ZNF608: variants seen among roughly 807,000 people sequenced by gnomAD.
ZNF608 encodes renal carcinoma antigen NY-REN-36.
In ZNF608, 12 loss-of-function variants were observed where a neutral mutation model predicts 109.0. That is an observed-to-expected ratio of 0.11 (90% confidence interval 0.07 to 0.18). The LOEUF (loss-of-function observed/expected upper bound fraction) is 0.18, where lower values mean the gene tolerates loss of function less well. ZNF608 is among the 10% of genes least tolerant of loss of function. The pLI, the probability that ZNF608 is intolerant of heterozygous loss-of-function variation, is 1.00. For missense variants in ZNF608, 1,707 were observed against 1,879.3 expected (o/e 0.91, Z 1.70); for synonymous variants, 732 against 717.4 (o/e 1.02, Z -0.33).
intron 2 of ZNF608, among the ~76,000 whole-genome samples, chr5:124,741,222 A>G (rs1420405192): frequency 6.6e-6 from 1 of 152,138 alleles, no homozygotes; most frequent in Non-Finnish European, 1.5e-5. Flanking sequence ...AAAGGAGTAG[A>G]ACACTCATTG....
intron 3 of ZNF608, 97 bp downstream of exon 3, chr5:124,700,917 C>T (rs1484902095): frequency 5.3e-6 from 8 of 1,510,090 alleles, no homozygotes; most frequent in Admixed American, 1.9e-5. Context: ...TTCCATTCCT[C>T]TCTGAATACC....
chr5:124,674,744 T>A (rs1751866462), intron 3 of ZNF608, among the ~76,000 whole-genome samples: 1 of 152,108 alleles, frequency 6.6e-6, no homozygotes, highest in African/African-American at 2.4e-5. Context: ...CTGAGTAGCT[T>A]GGACTACATA....
intron 2 of ZNF608, among the ~76,000 whole-genome samples, chr5:124,726,596 TC>T (rs1234126625): frequency 2.0e-5 from 3 of 151,684 alleles, no homozygotes; most frequent in African/African-American, 7.3e-5. Flanking sequence ...GCAACTGATT[TC>T]CCTTGTCCTC....
At chr5:124,730,245 A>AT (rs1194466817) in intron 2 of ZNF608, among the ~76,000 whole-genome samples, 1 of 152,160 alleles carries the variant, frequency 6.6e-6, no homozygotes, top group African/African-American at 2.4e-5. Context: ...TACATAGGGC[A>AT]TTTTCTAGAT....
intron 3 of ZNF608, among the ~76,000 whole-genome samples, chr5:124,694,286 C>T (rs948328415): frequency 6.6e-6 from 1 of 151,102 alleles, no homozygotes; most frequent in Non-Finnish European, 1.5e-5. Flanking sequence ...AGCCACTGCG[C>T]CCGGCCCTCA....
In ZNF608 at chr5:124,744,158, T is replaced by C. The variant is rs768605157; in HGVS notation, c.832A>G (p.Asn278Asp). The C allele has an allele frequency of 8.1e-6, 13 of 1,613,382 alleles. No homozygotes were observed. Among genetic ancestry groups the C allele is most frequent in the Non-Finnish European group, 9.3e-6 (11 of 1,179,906 alleles). Residue 278 changes from asparagine to aspartate, a missense_variant, in exon 2 of 10, where the codon AAC (asparagine) becomes GAC (aspartate). Physicochemically the swap from Asn to Asp is conservative, Grantham distance 23 (BLOSUM62 1). Around this residue, in one of 7 missense-constraint regions of ZNF608, gnomAD observed 407 missense variants for 398.7 expected, o/e 1.02. Coordinates refer to ENST00000513986, the MANE Select transcript of ZNF608 (RefSeq NM_020747.3). The surrounding 1 kb of genome is among the most constrained non-coding windows in gnomAD (Gnocchi z 4.5). ...TCTTCCTTCTTTACCAACATAGAGT[T>C]TCCCATGAGCCCTGAATCCGGGGCA... ...KSAPDSGLMG[N>D]SMLVKKEEEE...
intron 2 of ZNF608, among the ~76,000 whole-genome samples, chr5:124,721,221 A>G (rs920518235): frequency 1.3e-5 from 2 of 152,206 alleles, no homozygotes; most frequent in Admixed American, 6.5e-5. Context: ...TGCAAGATAG[A>G]TAATTCCCAT....
intron 2 of ZNF608, among the ~76,000 whole-genome samples, chr5:124,730,311 A>C (rs1462852385): frequency 6.6e-6 from 1 of 152,246 alleles, no homozygotes; most frequent in African/African-American, 2.4e-5. Flanking sequence ...AGTGTCAAAA[A>C]AGGAAAATTT....
intron 2 of ZNF608, among the ~76,000 whole-genome samples, chr5:124,711,577 G>A: frequency 6.6e-6 from 1 of 152,198 alleles, no homozygotes; most frequent in African/African-American, 2.4e-5. Context: ...ATTAACCCCA[G>A]GCCCTCCCCT....
At chr5:124,655,838 C>T (rs765491798) in intron 3 of ZNF608, among the ~76,000 whole-genome samples, 3 of 152,228 alleles carry the variant, frequency 2.0e-5, no homozygotes, top group Non-Finnish European at 2.9e-5. Context: ...GCTGTTCCAG[C>T]CTCGGAGCTT....
chr5:124,692,778 C>G (rs891858634), intron 3 of ZNF608, among the ~76,000 whole-genome samples: 16 of 152,176 alleles, frequency 1.1e-4, no homozygotes, highest in Non-Finnish European at 8.8e-5. Context: ...CTTTCTAAGT[C>G]TCCTTTATTA....
At chr5:124,698,973 A>G (rs1306505648) in intron 3 of ZNF608, among the ~76,000 whole-genome samples, 2 of 152,244 alleles carry the variant, frequency 1.3e-5, no homozygotes, top group African/African-American at 4.8e-5. Flanking sequence ...TAAAATCATG[A>G]CAAGCAATAA....
chr5:124,712,057 G>A (rs960402410), intron 2 of ZNF608, among the ~76,000 whole-genome samples: 3 of 152,148 alleles, frequency 2.0e-5, no homozygotes, highest in Admixed American at 2.0e-4. Flanking sequence ...TGAGGCAGGA[G>A]AATCACTTGA....
chr5:124,646,844 T>C lies in ZNF608; in HGVS notation c.3540A>G (p.Thr1180=). Residue 1180 remains threonine, a synonymous_variant, in exon 5 of 10, where the codon ACA becomes ACG. Coordinates refer to ENST00000513986, the MANE Select transcript of ZNF608 (RefSeq NM_020747.3). ...GPSVPNKTEE[T]GKSQLLSNHQ... is the part of the protein sequence containing the mutation. ...GATTGGAGAGAAGCTGCGATTTACC[T>C]GTCTCCTCAGTTTTATTAGGCACTG... The C allele has an allele frequency of 6.2e-7, 1 of 1,614,264 alleles. No individual in the cohort carries two copies. Among genetic ancestry groups the C allele is most frequent in the Admixed American group, 1.7e-5 (1 of 60,038 alleles).
chr5:124,746,801 AG>A (rs1008520200), upstream of ZNF608: 14 of 957,466 alleles, frequency 1.5e-5, no homozygotes, highest in South Asian at 9.7e-5. Context: ...AGAGAAAAGG[AG>A]GGGGGGAGTA....
chr5:124,717,785 G>A (rs534454818), intron 2 of ZNF608, among the ~76,000 whole-genome samples: 14 of 152,298 alleles, frequency 9.2e-5, no homozygotes, highest in South Asian at 8.3e-4. Context: ...AGCCCACCAT[G>A]TGCATGCGAC....
At chr5:124,660,183 T>C (rs532586110) in intron 3 of ZNF608, among the ~76,000 whole-genome samples, 1 of 146,684 alleles carries the variant, frequency 6.8e-6, no homozygotes, top group South Asian at 2.2e-4. Flanking sequence ...TGTGTGTGTG[T>C]GTGTGTGTGT....
At chr5:124,641,782 C>T (rs530151497) in intron 7 of ZNF608, among the ~76,000 whole-genome samples, 1 of 152,300 alleles carries the variant, frequency 6.6e-6, no homozygotes, top group East Asian at 1.9e-4. Context: ...TTTCTAATTA[C>T]ACTTGTATTT....
intron 3 of ZNF608, among the ~76,000 whole-genome samples, chr5:124,661,476 C>T (rs1260796682): frequency 8.6e-6 from 1 of 116,214 alleles, no homozygotes; most frequent in African/African-American, 3.1e-5. Context: ...TCTTATCTTT[C>T]AGGGAAGAAA....
Sources: allele counts gnomAD v4.1 joint callset (sites outside exome capture counted in the v4.1 genomes callset), GRCh38; gene constraint gnomAD v4.1.1; regional missense constraint gnomAD v4.1.1; non-coding constraint Gnocchi (gnomAD v3.1); transcripts MANE v1.5; gene names NCBI Gene and HGNC (gene_info 2026-07-23, HGNC 2026-07-21).